CA8: variants seen among roughly 807,000 people sequenced by gnomAD.
CA8 encodes carbonic anhydrase 8 (inactive).
CA8 carries 22 observed loss-of-function variants against 41.4 expected under a neutral mutation model. The ratio of observed to expected loss-of-function variants is 0.53; its 90% CI spans 0.38 to 0.76. The LOEUF is 0.76. Among genes scored for constraint, CA8 ranks in the 30% least tolerant of loss-of-function variants. The pLI is 0.00. For synonymous variants in CA8, 121 were observed against 130.6 expected (o/e 0.93, Z 0.50); for missense variants, 270 against 352.8 (o/e 0.77, Z 1.88).
intron 2 of CA8, among the ~76,000 whole-genome samples, chr8:60,269,722 C>T (rs1164193517): frequency 6.6e-6 from 1 of 152,140 alleles, no homozygotes; most frequent in Non-Finnish European, 1.5e-5. Context: ...GAGATCAACT[C>T]GACACCTGGC....
In CA8 at chr8:60,219,182, G is replaced by A. The variant is rs1189709724; in HGVS notation, c.738+3467C>T. On this transcript the variant is annotated intron_variant, in intron 7 of 8. Coordinates refer to ENST00000317995, the MANE Select transcript of CA8 (RefSeq NM_004056.6). ...ATTCTGCCTTTTTTTTTTTTTAGACGGAGTCTCGCTCTGTTGCCCAGCCTG... is the reference window on the plus strand; with the variant it reads ...ATTCTGCCTTTTTTTTTTTTTAGACAGAGTCTCGCTCTGTTGCCCAGCCTG... 3.3e-4 allele frequency among the ~76,000 whole-genome samples: 49 copies of A among 146,498 alleles called. 1 individual carries two copies. Among genetic ancestry groups the A allele is most frequent in the Admixed American group, 4.8e-4 (7 of 14,536 alleles).
At chr8:60,266,227 G>A (rs1803897730) in intron 2 of CA8, among the ~76,000 whole-genome samples, 178 bp from the exon 3 acceptor site, 1 of 152,150 alleles carries the variant, frequency 6.6e-6, no homozygotes, top group Non-Finnish European at 1.5e-5. Context: ...TCTAGGCTTG[G>A]CTGAAATTCT....
intron 7 of CA8, among the ~76,000 whole-genome samples, chr8:60,219,281 C>A (rs1461803196): frequency 6.6e-6 from 1 of 152,024 alleles, no homozygotes; most frequent in Non-Finnish European, 1.5e-5. Context: ...GCCTCAGCCT[C>A]CTGAGTAGCT....
At chr8:60,231,443 A>T (rs1261800403) in intron 4 of CA8, among the ~76,000 whole-genome samples, 1 of 152,080 alleles carries the variant, frequency 6.6e-6, no homozygotes, top group Non-Finnish European at 1.5e-5. Context: ...TATATGCCAT[A>T]AAAAAACAAG....
intron 3 of CA8, among the ~76,000 whole-genome samples, chr8:60,251,203 G>A (rs1808431866): frequency 6.6e-6 from 1 of 152,150 alleles, no homozygotes; most frequent in African/African-American, 2.4e-5. Context: ...GGTGGGAGGA[G>A]GAAATCCTCT....
intron 8 of CA8, among the ~76,000 whole-genome samples, chr8:60,192,939 A>G (rs746719335): frequency 1.3e-3 from 66 of 50,950 alleles, no homozygotes; most frequent in Middle Eastern, 0.012. Flanking sequence ...AACATCATGC[A>G]CACACACACA....
intron 7 of CA8, among the ~76,000 whole-genome samples, chr8:60,217,191 A>G (rs1807051244): frequency 6.6e-6 from 1 of 152,190 alleles, no homozygotes; most frequent in Non-Finnish European, 1.5e-5. Flanking sequence ...GCCAAGAAAA[A>G]AAAAGTTTCA....
At chr8:60,252,417 C>T (rs1563370844) in intron 3 of CA8, among the ~76,000 whole-genome samples, 1 of 152,184 alleles carries the variant, frequency 6.6e-6, no homozygotes, top group Non-Finnish European at 1.5e-5. Flanking sequence ...ATAGAAATTC[C>T]AAAGCTGAAT....
intron 3 of CA8, among the ~76,000 whole-genome samples, chr8:60,242,839 A>T (rs1471340158): frequency 6.6e-6 from 1 of 152,268 alleles, no homozygotes; most frequent in African/African-American, 2.4e-5. Context: ...AAAGGTGGGC[A>T]GCACTGAAAG....
chr8:60,258,644 T>G (rs568792863), intron 3 of CA8, among the ~76,000 whole-genome samples: 55 of 152,306 alleles, frequency 3.6e-4, no homozygotes, highest in Admixed American at 7.2e-4. Context: ...CTCACCATAA[T>G]GTAGAATCAG....
chr8:60,241,536 A>G (rs1474346020), intron 3 of CA8, among the ~76,000 whole-genome samples: 1 of 152,236 alleles, frequency 6.6e-6, no homozygotes, highest in Non-Finnish European at 1.5e-5. Flanking sequence ...ACAGGGCTTT[A>G]TAACACCATT....
At chr8:60,239,630 C>A (rs1807949004) in intron 3 of CA8, among the ~76,000 whole-genome samples, 1 of 152,208 alleles carries the variant, frequency 6.6e-6, no homozygotes. Context: ...GAAATGTGAC[C>A]TTGTAGAGTT....
In CA8 at chr8:60,224,467, T is replaced by C. The variant is rs758175035; in HGVS notation, c.625+70A>G. The C allele has an allele frequency of 2.0e-5, 18 of 903,482 alleles. 1 individual carries two copies. Among genetic ancestry groups the C allele is most frequent in the South Asian group, 6.9e-5 (5 of 72,316 alleles). The allele number at this position is 903,482 out of a possible 1,614,324, so 56.0% of individuals were successfully genotyped here. ...TTAATTAACAATATATAGTTTTACA[T>C]AGTCTGAAGAAAACAATGTGACTAT... is the stretch of plus-strand genomic sequence containing the variant. On this transcript the variant is annotated intron_variant, in intron 6 of 8. Transcript: ENST00000317995.
chr8:60,242,858 C>A (rs1212470963), intron 3 of CA8, among the ~76,000 whole-genome samples: 1 of 152,192 alleles, frequency 6.6e-6, no homozygotes, highest in Non-Finnish European at 1.5e-5. Flanking sequence ...AGGTCTAGCG[C>A]CCCACTTTAG....
In CA8 at chr8:60,189,816, C is replaced by T. The variant is rs1806063289; in HGVS notation, c.*205G>A. 1.3e-5 allele frequency: 2 copies of T among 152,486 alleles called. No homozygotes were observed. Among genetic ancestry groups the T allele is most frequent in the South Asian group, 4.1e-4 (2 of 4,824 alleles). 9.4% of individuals were successfully genotyped at this position (152,486 alleles called of 1,614,324 possible). A position where few individuals can be genotyped will look rare whatever the true frequency, so the allele number is the denominator to read the frequency against. On this transcript the variant is annotated 3_prime_UTR_variant, in exon 9 of 9. Coordinates refer to ENST00000317995, the MANE Select transcript of CA8 (RefSeq NM_004056.6). ...TAATATAGGGTTTCTTTGGAATATA[C>T]AGCCATTTCTAATATTTCATTTCAG...
At chr8:60,229,334 T>C (rs1312898407) in intron 4 of CA8, among the ~76,000 whole-genome samples, 1 of 152,188 alleles carries the variant, frequency 6.6e-6, no homozygotes, top group East Asian at 1.9e-4. Flanking sequence ...GTGGACGCCA[T>C]GCAGTCCCCC....
intron 8 of CA8, among the ~76,000 whole-genome samples, chr8:60,200,688 A>C (rs1806397485): frequency 6.6e-6 from 1 of 152,126 alleles, no homozygotes; most frequent in Non-Finnish European, 1.5e-5. Flanking sequence ...ATATTTAAAT[A>C]AAATGCCAAT....
Position 60,224,601 on chromosome 8 carries a change from A to G in CA8, c.577-16T>C. 7.0e-7 allele frequency: 1 copy of G among 1,422,236 alleles called. No homozygotes were observed. The allele number at this position is 1,422,236 out of a possible 1,614,324, so 88.1% of individuals were successfully genotyped here. On this transcript the variant is annotated splice_polypyrimidine_tract_variant and intron_variant, in intron 5 of 8. Transcript: ENST00000317995. ...TGGACTTCCCCTGAAAAAGAAAAAAATATTTACCCAATGTTAATGTAATAT... is the reference window on the plus strand; with the variant it reads ...TGGACTTCCCCTGAAAAAGAAAAAAGTATTTACCCAATGTTAATGTAATAT...
intron 8 of CA8, among the ~76,000 whole-genome samples, chr8:60,204,677 T>C (rs1563522590): frequency 6.6e-6 from 1 of 152,194 alleles, no homozygotes; most frequent in East Asian, 1.9e-4. Context: ...TCCATTCCAG[T>C]TGGAGGAAAT....
Sources: allele counts gnomAD v4.1 joint callset (sites outside exome capture counted in the v4.1 genomes callset), GRCh38; gene constraint gnomAD v4.1.1; transcripts MANE v1.5; gene names NCBI Gene and HGNC (gene_info 2026-07-23, HGNC 2026-07-21).